Variants in IPO9 observed in about 807,000 individuals in gnomAD.
IPO9 encodes importin-9.
In IPO9, 28 loss-of-function variants were observed where a neutral mutation model predicts 128.6. The observed-to-expected ratio is 0.22, with a 90% CI of 0.16 to 0.30. The LOEUF (loss-of-function observed/expected upper bound fraction) is 0.30, where lower values mean the gene tolerates loss of function less well. IPO9 is among the 10% of genes least tolerant of loss of function. IPO9 has a pLI of 1.00. For synonymous variants in IPO9, 455 were observed against 475.8 expected, an observed-to-expected ratio of 0.96 and a Z score of 0.57; for missense variants, 935 against 1,293.9, an observed-to-expected ratio of 0.72 and a Z score of 4.26.
intron 6 of IPO9, 118 bp from the exon 7 acceptor site, chr1:201,854,477 T>G: frequency 1.6e-6 from 2 of 1,278,278 alleles, no homozygotes; most frequent in Non-Finnish European, 2.2e-6. Flanking sequence ...TCTCTTCTGA[T>G]CAGGCTTGGA....
At chr1:201,843,689 G>C (rs765812960) in intron 1 of IPO9, among the ~76,000 whole-genome samples, 2 of 152,192 alleles carry the variant, frequency 1.3e-5, no homozygotes, top group South Asian at 4.1e-4. Flanking sequence ...TTAGCTGGGC[G>C]TGGTGGTACA....
chr1:201,847,465 C>A, intron 2 of IPO9, 87 bp from the exon 3 acceptor site: 9 of 1,352,962 alleles, frequency 6.7e-6, no homozygotes, highest in Non-Finnish European at 9.5e-6. Context: ...TTTAGATATA[C>A]TTCAGATGTA....
intron 1 of IPO9, among the ~76,000 whole-genome samples, chr1:201,840,142 T>A (rs1020881279): frequency 6.6e-6 from 1 of 152,204 alleles, no homozygotes; most frequent in Admixed American, 6.5e-5. Context: ...CAGGCTGGAG[T>A]GCAGTGGCAC....
rs963809016 is a variant in IPO9 at position 201,848,981 on chromosome 1, C to T, written c.514+387C>T. On this transcript the variant is annotated intron_variant, in intron 4 of 23. Coordinates refer to ENST00000361565, the MANE Select transcript of IPO9 (RefSeq NM_018085.5). Reference sequence around the variant, plus strand: ...GCTTTTGGTATAGTTTAAATGTTAGCTAATCTATCTTTATTGACTTGTTCA... The same window carrying T: ...GCTTTTGGTATAGTTTAAATGTTAGTTAATCTATCTTTATTGACTTGTTCA... Among the ~76,000 whole-genome samples the T allele has an allele frequency of 2.0e-5, 3 of 152,100 alleles. 1 individual carries two copies. Among genetic ancestry groups the T allele is most frequent in the Admixed American group, 6.5e-5 (1 of 15,272 alleles).
chr1:201,875,473 C>T (rs1680744102), intron 23 of IPO9, among the ~76,000 whole-genome samples: 1 of 151,952 alleles, frequency 6.6e-6, no homozygotes, highest in Non-Finnish European at 1.5e-5. Context: ...CCCCGTGGTC[C>T]CAGCTACTCG....
Position 201,854,723 on chromosome 1 carries a change from T to C in IPO9, c.810+9T>C. The C allele has an allele frequency of 6.2e-7, 1 of 1,612,522 alleles. No homozygotes were observed. Among genetic ancestry groups the C allele is most frequent in the Non-Finnish European group, 8.5e-7 (1 of 1,179,562 alleles). Reference sequence around the variant, plus strand: ...AGATGGAGGTCCTAAAGGTAAACACTTACTACCAATGAAATATTTGGAGTT... The same window carrying C: ...AGATGGAGGTCCTAAAGGTAAACACCTACTACCAATGAAATATTTGGAGTT... On this transcript the variant is annotated intron_variant, in intron 7 of 23. Transcript: ENST00000361565.
rs142601855 is a variant in IPO9 at position 201,829,978 on chromosome 1, C to G, written c.163+606C>G. On this transcript the variant is annotated intron_variant, in intron 1 of 23. Coordinates refer to ENST00000361565, the MANE Select transcript of IPO9 (RefSeq NM_018085.5). Reference sequence around the variant, plus strand: ...TAACGTTTATTTTAAAAATAATTTGCCCTTATTAAATACCTTTGTGCATTT... The same window carrying G: ...TAACGTTTATTTTAAAAATAATTTGGCCTTATTAAATACCTTTGTGCATTT... Among the ~76,000 whole-genome samples, 321 of 152,276 alleles carry G rather than the reference C, an allele frequency of 2.1e-3. 1 individual carries two copies. Among genetic ancestry groups the G allele is most frequent in the Non-Finnish European group, 2.9e-3 (198 of 68,032 alleles).
chr1:201,853,129 C>A, intron 6 of IPO9, 32 bp downstream of exon 6: 1 of 1,577,626 alleles, frequency 6.3e-7, no homozygotes, highest in Non-Finnish European at 8.7e-7. Flanking sequence ...TAACAGACTT[C>A]ATGCTTAAAA....
intron 2 of IPO9, 50 bp from the exon 3 acceptor site, chr1:201,847,502 G>T (rs1167812925): frequency 1.3e-6 from 2 of 1,509,796 alleles, no homozygotes; most frequent in South Asian, 2.3e-5. Flanking sequence ...GTTTTTATGT[G>T]TGAAAAAAAT....
chr1:201,868,565 G>GGGCCAAACAACAGGCATCATTA, intron 15 of IPO9, 83 bp from the exon 16 acceptor site: 1 of 1,467,228 alleles, frequency 6.8e-7, no homozygotes, highest in Non-Finnish European at 9.2e-7. Flanking sequence ...ACTTAGGTTA[G>GGGCCAAACAACAGGCATCATTA]GGCCAAACAA....
intron 1 of IPO9, among the ~76,000 whole-genome samples, chr1:201,837,135 C>G (rs1679956637): frequency 6.6e-6 from 1 of 152,112 alleles, no homozygotes; most frequent in South Asian, 2.1e-4. Context: ...ATCTCTTATT[C>G]TCACCATCCC....
rs1344034021 is a variant in IPO9, at chr1:201,879,361, CACTA to C, written c.*3314_*3317del. 6.6e-6 allele frequency: 1 copy of C among 152,162 alleles called. No individual in the cohort carries two copies. Among genetic ancestry groups the C allele is most frequent in the Admixed American group, 6.5e-5 (1 of 15,276 alleles). 9.4% of individuals were successfully genotyped at this position (152,162 alleles called of 1,614,324 possible). On this transcript the variant is annotated 3_prime_UTR_variant, in exon 24 of 24. Transcript: ENST00000361565. ...ACAGACAGAGAAGTTGGTAACTGAC[CACTA>C]ACTAACAAACTATAAATTCACCCAT...
chr1:201,862,654 A>G (rs1322438961), intron 13 of IPO9, among the ~76,000 whole-genome samples: 1 of 151,350 alleles, frequency 6.6e-6, no homozygotes, highest in Non-Finnish European at 1.5e-5. Context: ...TAAAAATACA[A>G]AATTAGCTGG....
At position 201,854,629 on chromosome 1, in the gene IPO9, A is replaced by G. The variant is rs1475673367; in HGVS notation, c.725A>G (p.Gln242Arg). Residue 242 changes from glutamine (Q) to arginine (R), a missense_variant, in exon 7 of 24, where the codon CAG (glutamine) becomes CGG (arginine). Physicochemically the swap from Gln to Arg is conservative, Grantham distance 43 (BLOSUM62 1). Transcript: ENST00000361565. Reference protein sequence around the residue: ...AAKVLIFPVVQQFTEAFVQAL... With the variant: ...AAKVLIFPVVRQFTEAFVQAL... ...AAAGTCCTGATCTTTCCCGTGGTAC[A>G]GCAGTTCACAGAGGCCTTTGTTCAG... 2 of 1,614,150 alleles carry G rather than the reference A, an allele frequency of 1.2e-6. No individual in the cohort carries two copies. Among genetic ancestry groups the G allele is most frequent in the Non-Finnish European group, 1.7e-6 (2 of 1,180,026 alleles).
At chr1:201,860,859 T>C (rs1438448484) in intron 13 of IPO9, among the ~76,000 whole-genome samples, 2 of 152,196 alleles carry the variant, frequency 1.3e-5, no homozygotes, top group Admixed American at 1.3e-4. Flanking sequence ...AAAACTCCAC[T>C]GTATACTTGT....
At chr1:201,871,083 C>T in intron 18 of IPO9, 78 bp from the exon 19 acceptor site, 1 of 1,431,386 alleles carries the variant, frequency 7.0e-7, no homozygotes, top group South Asian at 1.3e-5. Flanking sequence ...TATTTCTTAT[C>T]TGACTGGCCA....
Position 201,878,406 on chromosome 1 carries a change from C to T in IPO9, c.*2352C>T, listed in dbSNP as rs150515807. 6.5e-6 allele frequency: 1 copy of T among 152,796 alleles called. No individual in the cohort carries two copies. Among genetic ancestry groups the T allele is most frequent in the African/African-American group, 2.4e-5 (1 of 41,586 alleles). The allele number at this position is 152,796 out of a possible 1,614,324, so 9.5% of individuals were successfully genotyped here. A position where few individuals can be genotyped will look rare whatever the true frequency, so the allele number is the denominator to read the frequency against. On this transcript the variant is annotated 3_prime_UTR_variant, in exon 24 of 24. Transcript: ENST00000361565. ...TGGGAAGGCTTAAGGCTCCCACACA[C>T]AGACTGAGAATGATGGGGGTCCCTC...
intron 5 of IPO9, among the ~76,000 whole-genome samples, chr1:201,852,707 T>C (rs1047932784): frequency 6.6e-6 from 1 of 152,208 alleles, no homozygotes. Flanking sequence ...AAAGGAAATA[T>C]ATTGGCTGTG....
chr1:201,867,962 C>T (rs1680585588), intron 15 of IPO9, among the ~76,000 whole-genome samples: 1 of 152,120 alleles, frequency 6.6e-6, no homozygotes, highest in East Asian at 1.9e-4. Flanking sequence ...TCATAATTTA[C>T]CCATTCTGTT....
Sources: gnomAD v4.1 joint callset for allele counts (sites outside exome capture counted in the v4.1 genomes callset) on GRCh38, gnomAD v4.1.1 for gene constraint, MANE v1.5 for transcripts, NCBI Gene and HGNC (gene_info 2026-07-23, HGNC 2026-07-21) for gene names.